CELF2: variants seen among roughly 807,000 people sequenced by gnomAD.
CELF2 encodes the protein CUGBP Elav-like family member 2, also known as CUG triplet repeat RNA-binding protein 2.
A neutral mutation model predicts 62.6 loss-of-function variants in CELF2; 8 were observed. That is an observed-to-expected ratio of 0.13 (90% CI 0.07 to 0.23). CELF2 has a LOEUF of 0.23. CELF2 is among the 10% of genes least tolerant of loss of function. The pLI, the probability that CELF2 is intolerant of heterozygous loss-of-function variation, is 1.00. For synonymous variants in CELF2, 258 were observed against 250.0 expected, an observed-to-expected ratio of 1.03 and a Z score of -0.30; for missense variants, 333 against 671.0, an observed-to-expected ratio of 0.50 and a Z score of 5.56.
chr10:10,666,692 C>T, the CELF2 span, among the ~76,000 whole-genome samples: 5 of 98,142 alleles, frequency 5.1e-5, 1 homozygote, highest in African/African-American at 2.3e-4. Context: ...GAAACCCCGT[C>T]TCTACTAAAA....
At chr10:11,234,793 G>C (rs2070490817) in intron 3 of CELF2, among the ~76,000 whole-genome samples, 1 of 151,854 alleles carries the variant, frequency 6.6e-6, no homozygotes. Context: ...CCATCAGGTA[G>C]ATCCGCCCTC....
intron 1 of CELF2, among the ~76,000 whole-genome samples, chr10:11,067,594 A>G (rs557322742): frequency 2.6e-5 from 4 of 152,326 alleles, no homozygotes; most frequent in African/African-American, 7.2e-5. Flanking sequence ...GACAAACCAA[A>G]TCTAAATATT....
chr10:10,515,331 T>TACAATG, the CELF2 span, among the ~76,000 whole-genome samples: 73,215 of 151,668 alleles, frequency 0.48, 18,581 homozygotes, highest in African/African-American at 0.63. Flanking sequence ...ATCATGTTCA[T>TACAATG]ACATCTTCCC....
Position 11,165,209 on chromosome 10 carries a change from A to G in CELF2, c.75-277A>G. On this transcript the variant is annotated intron_variant, in intron 1 of 12. Coordinates refer to ENST00000633077, the MANE Select transcript of CELF2 (RefSeq NM_001326342.2). The surrounding 1 kb of genome is among the most constrained non-coding windows in gnomAD (Gnocchi z 7.4). ...TGCAGCTGCCTCCCGAGCCTCCAAG[A>G]TGTCCACGCCCTGGGTGACAGGCGG... 7.8e-7 allele frequency: 1 copy of G among 1,287,160 alleles called. No individual in the cohort carries two copies. Among genetic ancestry groups the G allele is most frequent in the Non-Finnish European group, 9.9e-7 (1 of 1,012,266 alleles). 79.7% of individuals were successfully genotyped at this position (1,287,160 alleles called of 1,614,324 possible). A position where few individuals can be genotyped will look rare whatever the true frequency, so the allele number is the denominator to read the frequency against.
chr10:10,580,901 C>A, the CELF2 span, among the ~76,000 whole-genome samples: 7 of 152,038 alleles, frequency 4.6e-5, no homozygotes, highest in Non-Finnish European at 1.0e-4. Flanking sequence ...AATAGAATTA[C>A]CTGAAAATAT....
the CELF2 span, among the ~76,000 whole-genome samples, chr10:10,731,829 C>G: frequency 6.6e-6 from 1 of 152,264 alleles, no homozygotes; most frequent in South Asian, 2.1e-4. Flanking sequence ...CCATAGCAAA[C>G]AGGTAACTTC....
the CELF2 span, among the ~76,000 whole-genome samples, chr10:10,546,831 G>GT: frequency 6.6e-6 from 1 of 151,488 alleles, no homozygotes; most frequent in African/African-American, 2.4e-5. Context: ...ATTCAGCCAG[G>GT]TGCCGTAGCT....
At chr10:10,814,559 T>A (rs1485725122) in intron 1 of CELF2, among the ~76,000 whole-genome samples, 1 of 152,202 alleles carries the variant, frequency 6.6e-6, no homozygotes, top group East Asian at 1.9e-4. Context: ...TTCCAACACG[T>A]GCCTCTTGGG....
chr10:11,282,313 T>C (rs1164106903), intron 8 of CELF2, among the ~76,000 whole-genome samples: 1 of 152,098 alleles, frequency 6.6e-6, no homozygotes, highest in Non-Finnish European at 1.5e-5. Context: ...TAGGCCAGGC[T>C]GGCAGGGAGA....
the CELF2 span, among the ~76,000 whole-genome samples, chr10:10,524,536 G>A: frequency 6.6e-6 from 1 of 151,694 alleles, no homozygotes. Context: ...TGCATTGAAA[G>A]CATTCCATGA....
intron 1 of CELF2, among the ~76,000 whole-genome samples, chr10:11,092,919 C>T (rs945963647): frequency 1.3e-5 from 2 of 152,216 alleles, no homozygotes; most frequent in African/African-American, 4.8e-5. Flanking sequence ...TACTTTATCA[C>T]CTCTAAATTT....
At chr10:10,480,786 A>G in the CELF2 span, among the ~76,000 whole-genome samples, 1 of 152,200 alleles carries the variant, frequency 6.6e-6, no homozygotes, top group Non-Finnish European at 1.5e-5. Context: ...AGAATCATCA[A>G]CATCCCAATA....
intron 1 of CELF2, among the ~76,000 whole-genome samples, chr10:10,836,934 C>T (rs561451202): frequency 6.6e-6 from 1 of 152,330 alleles, no homozygotes; most frequent in South Asian, 2.1e-4. Context: ...CACACCTGGC[C>T]TGTAGCCTCA....
At chr10:10,614,135 T>G in the CELF2 span, among the ~76,000 whole-genome samples, 2 of 151,514 alleles carry the variant, frequency 1.3e-5, no homozygotes, top group Non-Finnish European at 1.5e-5. Context: ...ACTGGGCTTG[T>G]GTTTCTCGAA....
At chr10:10,877,009 G>A (rs145712896) in intron 1 of CELF2, among the ~76,000 whole-genome samples, 1 of 152,196 alleles carries the variant, frequency 6.6e-6, no homozygotes, top group African/African-American at 2.4e-5. Context: ...CACTCCTCTA[G>A]AGTACTGGCA....
At chr10:10,796,112 A>G (rs1277259743), upstream of CELF2, among the ~76,000 whole-genome samples, 1 of 152,204 alleles carries the variant, frequency 6.6e-6, no homozygotes, top group Non-Finnish European at 1.5e-5. Context: ...CAGATGGAAG[A>G]AGTGCTGTGT....
At position 10,862,687 on chromosome 10, in the gene CELF2, A is replaced by G. The variant is rs141789063; in HGVS notation, c.54-57277A>G. ...TGCCCTTCAACAGGAGCTGTGTTCA[A>G]TCATTTGCAGACATGCTTTAAAATC... is the stretch of plus-strand genomic sequence containing the variant. On this transcript the variant is annotated intron_variant, in intron 1 of 13. Coordinates refer to the CELF2 transcript ENST00000636488. 1.1e-4 allele frequency among the ~76,000 whole-genome samples: 16 copies of G among 152,344 alleles called. No homozygotes were observed. The East Asian group carries it at 3.1e-3, about 29-fold the overall frequency.
intron 1 of CELF2, among the ~76,000 whole-genome samples, chr10:10,909,876 G>C (rs143200737): frequency 7.5e-6 from 1 of 132,750 alleles, no homozygotes; most frequent in East Asian, 1.9e-4. Flanking sequence ...TGTTTATAAA[G>C]TTTCCTGTCT....
At chr10:11,188,381 A>G (rs1178340041) in intron 2 of CELF2, among the ~76,000 whole-genome samples, 1 of 152,206 alleles carries the variant, frequency 6.6e-6, no homozygotes, top group African/African-American at 2.4e-5. Flanking sequence ...GCGGGATTAC[A>G]GGCGTGAGTC....
Sources: allele counts gnomAD v4.1 joint callset (sites outside exome capture counted in the v4.1 genomes callset), GRCh38; gene constraint gnomAD v4.1.1; non-coding constraint Gnocchi (gnomAD v3.1); transcripts MANE v1.5; gene names NCBI Gene and HGNC (gene_info 2026-07-23, HGNC 2026-07-21).